KIF13A: variants seen among roughly 807,000 people sequenced by gnomAD.
The protein encoded by KIF13A is kinesin family member 13A, also known as kinesin-like protein KIF13A.
KIF13A carries 79 observed loss-of-function variants against 212.2 expected under a neutral mutation model. That is an observed-to-expected ratio of 0.37 (90% CI 0.31 to 0.45). KIF13A has a LOEUF of 0.45. Ranked by LOEUF, KIF13A falls within the 20% of genes least tolerant of loss-of-function variation. The probability of loss-of-function intolerance (pLI) is 1.00; values close to 1 mark genes in which losing one functional copy is unlikely to be tolerated. For missense variants in KIF13A, 1,901 were observed against 2,209.0 expected (o/e 0.86, Z 2.79); for synonymous variants, 789 against 808.6 (o/e 0.98, Z 0.41).
chr6:17,848,008 C>T (rs1295257619), intron 9 of KIF13A, among the ~76,000 whole-genome samples: 1 of 151,970 alleles, frequency 6.6e-6, no homozygotes, highest in Admixed American at 6.6e-5. Context: ...AGAAGGGTTT[C>T]ATCATATTAT....
intron 2 of KIF13A, among the ~76,000 whole-genome samples, chr6:17,935,853 CTTGAG>C (rs963901686): frequency 2.0e-5 from 3 of 152,162 alleles, no homozygotes; most frequent in South Asian, 2.1e-4. Context: ...CAACCAGATT[CTTGAG>C]TTAAGATAAA....
chr6:17,789,973 A>C lies in KIF13A; in HGVS notation c.3223-63T>G. ...GTTTTTCAAACCACATACAGGGAAA[A>C]TAATTATTTAAGCTTAACACACATT... On this transcript the variant is annotated intron_variant, in intron 25 of 38. Coordinates refer to ENST00000259711, the MANE Select transcript of KIF13A (RefSeq NM_022113.6). The surrounding 1 kb of genome is among the most constrained non-coding windows in gnomAD (Gnocchi z 4.8). 3.8e-6 allele frequency: 5 copies of C among 1,302,468 alleles called. No individual in the cohort carries two copies. Among genetic ancestry groups the C allele is most frequent in the Non-Finnish European group, 5.5e-6 (5 of 903,396 alleles). 80.7% of individuals were successfully genotyped at this position (1,302,468 alleles called of 1,614,324 possible).
intron 2 of KIF13A, among the ~76,000 whole-genome samples, chr6:17,970,036 C>T (rs1254635260): frequency 6.6e-6 from 1 of 151,966 alleles, no homozygotes; most frequent in Non-Finnish European, 1.5e-5. Context: ...CATTATCCTG[C>T]CTCAGCCCCG....
chr6:17,821,699 T>C, intron 16 of KIF13A: 1 of 1,411,796 alleles, frequency 7.1e-7, no homozygotes, highest in Non-Finnish European at 9.4e-7. Flanking sequence ...GTTAGATTTT[T>C]GCCAAAGCAT....
chr6:17,874,529 G>A (rs558122818), intron 3 of KIF13A, among the ~76,000 whole-genome samples: 4 of 152,012 alleles, frequency 2.6e-5, no homozygotes, highest in African/African-American at 4.8e-5. Flanking sequence ...TCTGCCTCCC[G>A]GGCTCAAGTA....
chr6:17,804,657 A>G (rs1762774740), intron 19 of KIF13A, 147 bp from the exon 20 acceptor site: 1 of 905,868 alleles, frequency 1.1e-6, no homozygotes. Flanking sequence ...CATAAATAAA[A>G]ACTAAATTAG....
In KIF13A at chr6:17,769,802, A is replaced by G. The variant is rs1759329575; in HGVS notation, c.4581+1312T>C. ...TTAGCCCACACTGCAGCCCTTATTA[A>G]TTGAGCAGAGGGTGGTCAGGTAAGT... On this transcript the variant is annotated intron_variant, in intron 38 of 38. Coordinates refer to ENST00000259711, the MANE Select transcript of KIF13A (RefSeq NM_022113.6). This position sits in a 1 kb window ranked among gnomAD's most constrained non-coding sequence, Gnocchi z 5.8. Among the ~76,000 whole-genome samples, 1 of 152,132 alleles carries G rather than the reference A, an allele frequency of 6.6e-6. No homozygotes were observed.
At chr6:17,887,695 T>C (rs983974741) in intron 3 of KIF13A, among the ~76,000 whole-genome samples, 2 of 152,064 alleles carry the variant, frequency 1.3e-5, no homozygotes, top group African/African-American at 4.8e-5. Flanking sequence ...TTTACATACA[T>C]CTTGATTCTT....
intron 4 of KIF13A, among the ~76,000 whole-genome samples, chr6:17,862,313 T>C (rs1471868612): frequency 6.6e-6 from 1 of 152,218 alleles, no homozygotes; most frequent in Non-Finnish European, 1.5e-5. Context: ...TAAACCAATA[T>C]AGGTAAAGTA....
chr6:17,836,941 T>G lies in KIF13A; in HGVS notation c.1092A>C (p.Ala364=). 7 of 1,613,958 alleles carry G rather than the reference T, an allele frequency of 4.3e-6. No homozygotes were observed. The highest frequency in any genetic ancestry group is 5.9e-6 in the Non-Finnish European group (7 of 1,179,894). ...NHAVVNEDPN[A]KVIRELREEV... ...CCTCCCGCAGTTCTCGGATCACTTT[T>G]GCGTTGGGGTCCTCATTCACAACAG... The change falls in exon 11 of 39, where the codon GCA becomes GCC. Residue 364 remains alanine (A), a synonymous_variant. Coordinates refer to ENST00000259711, the MANE Select transcript of KIF13A (RefSeq NM_022113.6).
In KIF13A at chr6:17,837,714, G is replaced by C. The variant is rs964360010; in HGVS notation, c.831-131C>G. The C allele has an allele frequency of 1.6e-6, 1 of 634,590 alleles. No homozygotes were observed. The highest frequency in any genetic ancestry group is 1.8e-5 in the African/African-American group (1 of 54,220). 39.3% of individuals were successfully genotyped at this position (634,590 alleles called of 1,614,324 possible). A position where few individuals can be genotyped will look rare whatever the true frequency, so the allele number is the denominator to read the frequency against. ...CGCCCGTAATCCCAGCACTTTGGGA[G>C]GCCAAGGTGGATGAATCACTTGAGG... On this transcript the variant is annotated intron_variant, in intron 9 of 38. Transcript: ENST00000259711. This position sits in a 1 kb window ranked among gnomAD's most constrained non-coding sequence, Gnocchi z 5.4.
intron 2 of KIF13A, among the ~76,000 whole-genome samples, chr6:17,938,578 TG>T (rs1429932824): frequency 6.6e-6 from 1 of 152,160 alleles, no homozygotes; most frequent in Admixed American, 6.6e-5. Flanking sequence ...GCTTATGACT[TG>T]ATCTAAAACA....
At position 17,817,667 on chromosome 6, in the gene KIF13A, T is replaced by G. The variant is rs1764071378; in HGVS notation, c.1787-434A>C. ...TTCTATGTCCATTTAATATCAGTTTTGGTATACGACAAAGATTTATGACTT... is the reference window on the plus strand; with the variant it reads ...TTCTATGTCCATTTAATATCAGTTTGGGTATACGACAAAGATTTATGACTT... On this transcript the variant is annotated intron_variant, in intron 16 of 38. Coordinates refer to ENST00000259711, the MANE Select transcript of KIF13A (RefSeq NM_022113.6). Among the ~76,000 whole-genome samples, 3 of 152,344 alleles carry G rather than the reference T, an allele frequency of 2.0e-5. No homozygotes were observed. In the South Asian group the frequency reaches 6.2e-4, roughly 32 times the overall value.
At chr6:17,920,541 T>G (rs930567481) in intron 2 of KIF13A, among the ~76,000 whole-genome samples, 6 of 152,186 alleles carry the variant, frequency 3.9e-5, no homozygotes, top group Non-Finnish European at 7.3e-5. Flanking sequence ...ATTCTTTTCA[T>G]CAATTTACAA....
chr6:17,975,724 G>A (rs1388376114), intron 2 of KIF13A, among the ~76,000 whole-genome samples: 3 of 151,974 alleles, frequency 2.0e-5, no homozygotes, highest in Non-Finnish European at 4.4e-5. Flanking sequence ...AGACACAAAG[G>A]TTCTCCACGT....
At chr6:17,823,447 TC>T (rs1439947615) in intron 16 of KIF13A, among the ~76,000 whole-genome samples, 3 of 123,092 alleles carry the variant, frequency 2.4e-5, no homozygotes, top group African/African-American at 9.5e-5. Flanking sequence ...CCTTCCTCCC[TC>T]TCTTTTTCCT....
intron 33 of KIF13A, among the ~76,000 whole-genome samples, chr6:17,778,392 C>T (rs77797791): frequency 6.6e-6 from 1 of 152,050 alleles, no homozygotes; most frequent in African/African-American, 2.4e-5. Context: ...ATCAACACCT[C>T]CCCCAATAAT....
chr6:17,812,567 T>A (rs1483312530), intron 17 of KIF13A: 2 of 152,246 alleles, frequency 1.3e-5, no homozygotes, highest in African/African-American at 4.8e-5. Flanking sequence ...ACGTTTTCTT[T>A]ATCCAGTCTA....
rs185767201 is a variant in KIF13A at position 17,898,928 on chromosome 6, T to A, written c.147-748A>T. Among the ~76,000 whole-genome samples the A allele has an allele frequency of 6.6e-6, 1 of 152,288 alleles. No individual in the cohort carries two copies. The highest frequency in any genetic ancestry group is 6.5e-5 in the Admixed American group (1 of 15,286). On this transcript the variant is annotated intron_variant, in intron 2 of 38. Coordinates refer to ENST00000259711, the MANE Select transcript of KIF13A (RefSeq NM_022113.6). The surrounding 1 kb of genome is among the most constrained non-coding windows in gnomAD (Gnocchi z 5.2). ...ATGGCTCAGTGCAACCTTGAACTCC[T>A]GGGCTCAACTGATCCTCCTACCTCA...
Sources: allele counts gnomAD v4.1 joint callset (sites outside exome capture counted in the v4.1 genomes callset), GRCh38; gene constraint gnomAD v4.1.1; non-coding constraint Gnocchi (gnomAD v3.1); transcripts MANE v1.5; gene names NCBI Gene and HGNC (gene_info 2026-07-23, HGNC 2026-07-21).